The following ADARB1 variants were observed in gnomAD, a reference collection of about 807,000 sequenced individuals.
ADARB1 encodes the protein adenosine deaminase RNA specific B1, also known as double-stranded RNA-specific editase 1.
In ADARB1, 10 loss-of-function variants were observed where a neutral mutation model predicts 52.4. The observed-to-expected ratio is 0.19, with a 90% CI of 0.12 to 0.32. ADARB1 has a LOEUF of 0.32. Ranked by LOEUF, ADARB1 falls within the 10% of genes least tolerant of loss-of-function variation. The pLI is 1.00. For synonymous variants in ADARB1, 349 were observed against 371.1 expected (o/e 0.94, Z 0.68); for missense variants, 643 against 922.3 (o/e 0.70, Z 3.92).
intron 8 of ADARB1, among the ~76,000 whole-genome samples, chr21:45,188,703 C>T (rs940958216): frequency 4.6e-5 from 7 of 151,836 alleles, no homozygotes; most frequent in Non-Finnish European, 5.9e-5. Context: ...ATAGGGAAGA[C>T]TTACTGTTGC....
intron 8 of ADARB1, among the ~76,000 whole-genome samples, chr21:45,197,622 G>T (rs2092455305): frequency 6.6e-6 from 1 of 152,076 alleles, no homozygotes; most frequent in Admixed American, 6.5e-5. Context: ...ATGTTTGTAG[G>T]ACTTTCTTTG....
At position 45,224,840 on chromosome 21, in the gene ADARB1, C is replaced by A; in HGVS notation, c.*2643C>A. ...ATAAACAAAATACAGAACGCTGACT[C>A]CTCCGTGAGACAGATCGGGGACCTT... On this transcript the variant is annotated 3_prime_UTR_variant, in exon 11 of 11. Transcript: ENST00000348831. 1 of 985,750 alleles carries A rather than the reference C, an allele frequency of 1.0e-6. No individual in the cohort carries two copies. Among genetic ancestry groups the A allele is most frequent in the Non-Finnish European group, 1.2e-6 (1 of 829,936 alleles). The allele number at this position is 985,750 out of a possible 1,614,324, so 61.1% of individuals were successfully genotyped here.
intron 1 of ADARB1, among the ~76,000 whole-genome samples, chr21:45,126,366 T>A (rs2088579619): frequency 6.6e-6 from 1 of 152,146 alleles, no homozygotes. Flanking sequence ...ATCTCTCCAC[T>A]GTTTTGTTTT....
Position 45,175,799 on chromosome 21 carries a change from C to G in ADARB1, c.98C>G (p.Pro33Arg), listed in dbSNP as rs1179624314. 3.7e-6 allele frequency: 6 copies of G among 1,614,072 alleles called. No individual in the cohort carries two copies. Among genetic ancestry groups the G allele is most frequent in the Non-Finnish European group, 5.1e-6 (6 of 1,180,040 alleles). Residue 33 changes from proline to arginine, a missense_variant, in exon 4 of 11, where the codon CCT becomes CGT. Coordinates refer to ENST00000348831, the MANE Select transcript of ADARB1 (RefSeq NM_001112.4). Reference sequence around the variant, plus strand: ...GTGTCCCCCAAGGATGGCAGCACACCTGGGCCTGGCGAGGGCTCTCAGCTC... The same window carrying G: ...GTGTCCCCCAAGGATGGCAGCACACGTGGGCCTGGCGAGGGCTCTCAGCTC... The part of the protein sequence containing the change: ...DNVSPKDGST[P>R]GPGEGSQLSN...
rs368193446 is a variant in ADARB1, at chr21:45,220,770, C to T, written c.1748-66C>T. ...CCATGTCTGAGCACAGTGTGCCGCCCGTGGCTGCTCCCTCCCTGGGGGTGA... is the reference window on the plus strand; with the variant it reads ...CCATGTCTGAGCACAGTGTGCCGCCTGTGGCTGCTCCCTCCCTGGGGGTGA... On this transcript the variant is annotated intron_variant, in intron 9 of 10. Transcript: ENST00000348831. This position sits in a 1 kb window ranked among gnomAD's most constrained non-coding sequence, Gnocchi z 6.3. 5.8e-6 allele frequency: 9 copies of T among 1,564,060 alleles called. No homozygotes were observed. The highest frequency in any genetic ancestry group is 4.0e-5 in the African/African-American group (3 of 74,186).
chr21:45,087,132 G>A (rs537161720), intron 1 of ADARB1, among the ~76,000 whole-genome samples: 19 of 152,300 alleles, frequency 1.2e-4, no homozygotes, highest in South Asian at 1.0e-3. Flanking sequence ...GGTGAAGTAC[G>A]GTTGGGCATA....
intron 4 of ADARB1, among the ~76,000 whole-genome samples, chr21:45,178,392 C>T (rs1177015884): frequency 6.6e-6 from 1 of 152,242 alleles, no homozygotes; most frequent in African/African-American, 2.4e-5. Context: ...GTGCTGAACA[C>T]CAGGCTCTAG....
chr21:45,148,860 G>A (rs572380899), intron 2 of ADARB1, among the ~76,000 whole-genome samples: 3 of 152,138 alleles, frequency 2.0e-5, no homozygotes, highest in African/African-American at 4.8e-5. Flanking sequence ...CACCCATGCC[G>A]CCATGGGAGA....
intron 1 of ADARB1, among the ~76,000 whole-genome samples, chr21:45,103,541 C>A (rs2087117952): frequency 6.6e-6 from 1 of 151,766 alleles, no homozygotes; most frequent in Admixed American, 6.6e-5. Flanking sequence ...GCAACCTAGA[C>A]CCCTCACATG....
At chr21:45,130,640 G>A (rs1452949696) in intron 2 of ADARB1, among the ~76,000 whole-genome samples, 2 of 152,138 alleles carry the variant, frequency 1.3e-5, no homozygotes, top group East Asian at 1.9e-4. Context: ...AAGCACGGCC[G>A]TCCTCAGCCT....
rs2090743239 is a variant in ADARB1 at position 45,157,803 on chromosome 21, C to T, written c.-47-13807C>T. On this transcript the variant is annotated intron_variant, in intron 2 of 10. Transcript: ENST00000348831. The surrounding 1 kb of genome is among the most constrained non-coding windows in gnomAD (Gnocchi z 4.1). ...GCTGGCCCTCGAAGTCACTCAGGGA[C>T]CTAGGTTTCTTCCATCCTTAAGCTC... Among the ~76,000 whole-genome samples the T allele has an allele frequency of 6.6e-6, 1 of 152,158 alleles. No homozygotes were observed. Among genetic ancestry groups the T allele is most frequent in the African/African-American group, 2.4e-5 (1 of 41,418 alleles).
intron 2 of ADARB1, among the ~76,000 whole-genome samples, chr21:45,166,708 T>C (rs916957126): frequency 6.6e-6 from 1 of 152,204 alleles, no homozygotes; most frequent in Non-Finnish European, 1.5e-5. Flanking sequence ...CTAGTTCCAT[T>C]AAAACAAGTT....
rs76342919 is a variant in ADARB1, at chr21:45,182,568, C to A, written c.1079-17C>A. 1 of 1,295,480 alleles carries A rather than the reference C, an allele frequency of 7.7e-7. No individual in the cohort carries two copies. Among genetic ancestry groups the A allele is most frequent in the Non-Finnish European group, 1.1e-6 (1 of 947,444 alleles). The allele number at this position is 1,295,480 out of a possible 1,614,324, so 80.2% of individuals were successfully genotyped here. A position where few individuals can be genotyped will look rare whatever the true frequency, so the allele number is the denominator to read the frequency against. On this transcript the variant is annotated splice_polypyrimidine_tract_variant and intron_variant, in intron 5 of 10. Transcript: ENST00000348831. ...CTGTGAATTACAGAAAATAGTGTCTCTTTTTTTTTTTTTCAGGCACAGATG... is the reference window on the plus strand; with the variant it reads ...CTGTGAATTACAGAAAATAGTGTCTATTTTTTTTTTTTTCAGGCACAGATG...
intron 1 of ADARB1, among the ~76,000 whole-genome samples, chr21:45,107,763 T>C (rs1486223902): frequency 1.3e-5 from 2 of 152,208 alleles, no homozygotes; most frequent in South Asian, 4.1e-4. Context: ...TGGTTGAATA[T>C]TACCTATGTG....
rs1394597764 is a variant in ADARB1, at chr21:45,157,011, A to AC, written c.-47-14594dup. 1.3e-5 allele frequency among the ~76,000 whole-genome samples: 2 copies of AC among 152,042 alleles called. No individual in the cohort carries two copies. Among genetic ancestry groups the AC allele is most frequent in the African/African-American group, 4.8e-5 (2 of 41,394 alleles). ...GAGGGGCCCAAGTAAGGAAAGTTGA[A>AC]CCCCCAGTGGACAGCAGCGTTATGG... On this transcript the variant is annotated intron_variant, in intron 2 of 10. Transcript: ENST00000348831. This position sits in a 1 kb window ranked among gnomAD's most constrained non-coding sequence, Gnocchi z 4.1.
intron 1 of ADARB1, among the ~76,000 whole-genome samples, chr21:45,107,627 A>C (rs972864838): frequency 6.6e-6 from 1 of 152,190 alleles, no homozygotes; most frequent in African/African-American, 2.4e-5. Context: ...TCTTGGGACA[A>C]TTGGACTCCA....
At chr21:45,119,567 A>T (rs1298646950) in intron 1 of ADARB1, among the ~76,000 whole-genome samples, 5 of 152,224 alleles carry the variant, frequency 3.3e-5, no homozygotes, top group African/African-American at 1.2e-4. Context: ...TTTACTATGT[A>T]AGAGTGTGGC....
At chr21:45,126,411 C>G (rs1021345948) in intron 1 of ADARB1, among the ~76,000 whole-genome samples, 2 of 152,164 alleles carry the variant, frequency 1.3e-5, no homozygotes, top group Admixed American at 1.3e-4. Flanking sequence ...TCACCTGCTC[C>G]TCTCCACTCC....
At chr21:45,130,909 A>G (rs1003943344) in intron 2 of ADARB1, among the ~76,000 whole-genome samples, 4 of 152,190 alleles carry the variant, frequency 2.6e-5, no homozygotes, top group Non-Finnish European at 5.9e-5. Flanking sequence ...TCCCCTGCGC[A>G]AGAGGAATTG....
Sources: allele counts gnomAD v4.1 joint callset (sites outside exome capture counted in the v4.1 genomes callset), GRCh38; gene constraint gnomAD v4.1.1; non-coding constraint Gnocchi (gnomAD v3.1); transcripts MANE v1.5; gene names NCBI Gene and HGNC (gene_info 2026-07-23, HGNC 2026-07-21).